Variants in FBXL17 observed in about 807,000 individuals in gnomAD.
The protein encoded by FBXL17 is F-box and leucine rich repeat protein 17.
Under a neutral mutation model 66.2 loss-of-function variants are expected in FBXL17, and 22 were observed. That is an observed-to-expected ratio of 0.33 (90% CI 0.24 to 0.47). FBXL17 has a LOEUF of 0.47. Ranked by LOEUF, FBXL17 falls within the 20% of genes least tolerant of loss-of-function variation. The pLI, the probability that FBXL17 is intolerant of heterozygous loss-of-function variation, is 1.00. For missense variants in FBXL17, 878 were observed against 948.2 expected (o/e 0.93, Z 0.97); for synonymous variants, 474 against 400.5 (o/e 1.18, Z -2.19).
At chr5:108,098,786 T>C (rs1315926378) in intron 6 of FBXL17, among the ~76,000 whole-genome samples, 1 of 146,846 alleles carries the variant, frequency 6.8e-6, no homozygotes, top group African/African-American at 2.5e-5. Flanking sequence ...TGGAATGCCA[T>C]CAAACTTTCC....
intron 6 of FBXL17, among the ~76,000 whole-genome samples, chr5:108,182,681 C>A (rs34408): frequency 0.027 from 4,087 of 152,098 alleles, 81 homozygotes; most frequent in Non-Finnish European, 0.042. Flanking sequence ...CACCAAATAA[C>A]CATTAGTTAA....
chr5:108,234,704 T>C (rs535708328), intron 4 of FBXL17, among the ~76,000 whole-genome samples: 4 of 152,220 alleles, frequency 2.6e-5, no homozygotes, highest in East Asian at 1.9e-4. Flanking sequence ...GATGGTATGA[T>C]AGTCTTGTAT....
chr5:107,954,379 A>G (rs921287045), intron 7 of FBXL17, among the ~76,000 whole-genome samples: 1 of 152,264 alleles, frequency 6.6e-6, no homozygotes, highest in African/African-American at 2.4e-5. Flanking sequence ...ACTTTAAAAG[A>G]CCAGTGATAT....
chr5:107,963,871 A>C (rs1752016051), intron 7 of FBXL17, among the ~76,000 whole-genome samples: 1 of 152,162 alleles, frequency 6.6e-6, no homozygotes, highest in Admixed American at 6.6e-5. Flanking sequence ...AGAAACTAAA[A>C]ATTGTAGGAA....
intron 7 of FBXL17, among the ~76,000 whole-genome samples, chr5:107,939,353 G>A (rs752916580): frequency 1.3e-5 from 2 of 151,870 alleles, no homozygotes; most frequent in African/African-American, 2.4e-5. Flanking sequence ...TCTGGGGCAC[G>A]CAACATGAGA....
rs1756250110 is a variant in FBXL17, at chr5:108,249,420, TCAAA to T, written c.1507-25196_1507-25193del. Among the ~76,000 whole-genome samples the T allele has an allele frequency of 2.0e-5, 3 of 152,306 alleles. No homozygotes were observed. The South Asian group carries it at 6.2e-4, about 32-fold the overall frequency. ...AAGGCTCGTTTTATTTACTATCTGG[TCAAA>T]CAAATATACTGCCTCATTCTGTACC... is the stretch of plus-strand genomic sequence containing the variant. On this transcript the variant is annotated intron_variant, in intron 4 of 8. Coordinates refer to ENST00000542267, the MANE Select transcript of FBXL17 (RefSeq NM_001163315.3).
intron 7 of FBXL17, among the ~76,000 whole-genome samples, chr5:107,944,857 A>G (rs1751227999): frequency 6.6e-6 from 1 of 152,152 alleles, no homozygotes; most frequent in Non-Finnish European, 1.5e-5. Flanking sequence ...ATCTTTATAA[A>G]GTTGGAATAA....
intron 7 of FBXL17, among the ~76,000 whole-genome samples, chr5:107,988,301 C>A (rs1223080569): frequency 2.6e-5 from 4 of 151,786 alleles, no homozygotes; most frequent in Non-Finnish European, 5.9e-5. Context: ...TTTTCTACTG[C>A]AGAAACAGAT....
chr5:108,342,741 C>G (rs1746970609), intron 4 of FBXL17, among the ~76,000 whole-genome samples: 1 of 152,170 alleles, frequency 6.6e-6, no homozygotes, highest in South Asian at 2.1e-4. Context: ...ATAGCTACCT[C>G]ATGTGGTAGT....
chr5:108,268,379 T>C (rs1459551577), intron 4 of FBXL17, among the ~76,000 whole-genome samples: 1 of 152,010 alleles, frequency 6.6e-6, no homozygotes, highest in Non-Finnish European at 1.5e-5. Context: ...GCATTTTATC[T>C]CAAAGTATAA....
intron 6 of FBXL17, among the ~76,000 whole-genome samples, chr5:108,114,747 C>T (rs998278234): frequency 1.3e-5 from 2 of 152,136 alleles, no homozygotes; most frequent in African/African-American, 2.4e-5. Context: ...CACTGAATGC[C>T]AATCACACTA....
intron 4 of FBXL17, among the ~76,000 whole-genome samples, chr5:108,247,982 T>C (rs926638912): frequency 1.3e-5 from 2 of 152,222 alleles, no homozygotes; most frequent in Non-Finnish European, 2.9e-5. Flanking sequence ...CTTGGGGCTT[T>C]TTTATCTGCA....
At chr5:108,105,125 G>A (rs1749746240) in intron 6 of FBXL17, among the ~76,000 whole-genome samples, 1 of 152,200 alleles carries the variant, frequency 6.6e-6, no homozygotes. Context: ...ACAGGCGTGA[G>A]CCACCACACC....
chr5:107,877,284 A>G (rs897250027), intron 8 of FBXL17, among the ~76,000 whole-genome samples: 2 of 152,192 alleles, frequency 1.3e-5, no homozygotes, highest in African/African-American at 4.8e-5. Context: ...GCAGCCAAAC[A>G]TATTTACTGC....
chr5:108,381,198 C>G lies in FBXL17; in HGVS notation c.494G>C (p.Gly165Ala), dbSNP rs1033306581. Residue 165 changes from glycine (G) to alanine (A), a missense_variant, in exon 1 of 9, where the codon GGG becomes GCG. This residue lies in a region of FBXL17 where 605 missense variants were observed against 509.5 expected (regional missense o/e 1.19). Transcript: ENST00000542267. ...GGGCGGCCCCAGGAAGCGCACCGGCCCCAAGCTGGCCAGGAAGAGACTTCG... is the reference window on the plus strand; with the variant it reads ...GGGCGGCCCCAGGAAGCGCACCGGCGCCAAGCTGGCCAGGAAGAGACTTCG... ...QGRSLFLASL[G>A]PVRFLGPPAA... 9.0e-6 allele frequency: 13 copies of G among 1,443,336 alleles called. No individual in the cohort carries two copies. Among genetic ancestry groups the G allele is most frequent in the Admixed American group, 2.5e-5 (1 of 39,626 alleles). 89.4% of individuals were successfully genotyped at this position (1,443,336 alleles called of 1,614,324 possible).
intron 5 of FBXL17, among the ~76,000 whole-genome samples, chr5:108,187,591 G>A (rs375747204): frequency 2.6e-5 from 4 of 152,188 alleles, no homozygotes; most frequent in Non-Finnish European, 5.9e-5. Context: ...AAATATTGAG[G>A]AAGGGGCCAG....
chr5:107,876,249 C>T (rs1380797131), intron 8 of FBXL17, among the ~76,000 whole-genome samples: 2 of 152,146 alleles, frequency 1.3e-5, no homozygotes, highest in Non-Finnish European at 2.9e-5. Flanking sequence ...GCATTTTAAG[C>T]AAAATGCTTT....
intron 8 of FBXL17, among the ~76,000 whole-genome samples, chr5:107,874,680 TACC>T (rs1748561892): frequency 6.6e-6 from 1 of 152,202 alleles, no homozygotes; most frequent in Non-Finnish European, 1.5e-5. Context: ...GACTTTTAGT[TACC>T]ACTTCTTAGA....
chr5:107,920,918 G>C lies in FBXL17; in HGVS notation c.1823-39739C>G, dbSNP rs114443978. ...GCTCCACAATCTCACTAGGAACTAA[G>C]TTGCTCATGTCAGGACCATGGTTTA... On this transcript the variant is annotated intron_variant, in intron 7 of 8. Transcript: ENST00000542267. Among the ~76,000 whole-genome samples the C allele has an allele frequency of 4.7e-3, 708 of 152,192 alleles. 7 individuals carry two copies. The highest frequency in any genetic ancestry group is 0.016 in the African/African-American group (685 of 41,518).
Sources: allele counts gnomAD v4.1 joint callset (sites outside exome capture counted in the v4.1 genomes callset), GRCh38; gene constraint gnomAD v4.1.1; regional missense constraint gnomAD v4.1.1; transcripts MANE v1.5; gene names NCBI Gene and HGNC (gene_info 2026-07-23, HGNC 2026-07-21).